Variants in FBXO21 observed in about 807,000 individuals in gnomAD.
The protein encoded by FBXO21 is F-box protein 21.
A neutral mutation model predicts 76.6 loss-of-function variants in FBXO21; 32 were observed. That is an observed-to-expected ratio of 0.42 (90% CI 0.32 to 0.56). FBXO21 has a LOEUF of 0.56. FBXO21 is among the 20% of genes least tolerant of loss of function. The pLI, the probability that FBXO21 is intolerant of heterozygous loss-of-function variation, is 0.16. For synonymous variants in FBXO21, 328 were observed against 311.5 expected (o/e 1.05, Z -0.56); for missense variants, 586 against 797.3 (o/e 0.73, Z 3.19).
intron 11 of FBXO21, among the ~76,000 whole-genome samples, chr12:117,151,624 T>C (rs1424402467): frequency 6.6e-6 from 1 of 152,178 alleles, no homozygotes; most frequent in Non-Finnish European, 1.5e-5. Flanking sequence ...TTTTTAAAAT[T>C]TGGCCTCTCA....
intron 11 of FBXO21, among the ~76,000 whole-genome samples, chr12:117,149,124 G>C (rs1190163692): frequency 6.6e-6 from 1 of 152,096 alleles, no homozygotes; most frequent in Non-Finnish European, 1.5e-5. Flanking sequence ...CCACAACCTG[G>C]TATCTTAACC....
intron 8 of FBXO21, among the ~76,000 whole-genome samples, 170 bp downstream of exon 8, chr12:117,166,728 A>C (rs1956057658): frequency 6.6e-6 from 1 of 152,232 alleles, no homozygotes; most frequent in African/African-American, 2.4e-5. Context: ...TATCTTTCCT[A>C]GTCTAAGATA....
intron 4 of FBXO21, among the ~76,000 whole-genome samples, 163 bp from the exon 5 acceptor site, chr12:117,174,960 C>G (rs927925610): frequency 6.6e-6 from 1 of 151,686 alleles, no homozygotes; most frequent in Non-Finnish European, 1.5e-5. Context: ...TGAGAAGGAG[C>G]AACAAACATT....
rs1337124410 is a variant in FBXO21 at position 117,143,408 on chromosome 12, T to C, written c.*2679A>G. On this transcript the variant is annotated 3_prime_UTR_variant, in exon 12 of 12. Coordinates refer to ENST00000622495, the MANE Select transcript of FBXO21 (RefSeq NM_015002.3). ...AGGTAGTAACATCACACGGAAACAG[T>C]GCTCTGAAGACATTCTGGACACATC... 2 of 152,204 alleles carry C rather than the reference T, an allele frequency of 1.3e-5. No individual in the cohort carries two copies. Among genetic ancestry groups the C allele is most frequent in the Non-Finnish European group, 2.9e-5 (2 of 68,042 alleles). 9.4% of individuals were successfully genotyped at this position (152,204 alleles called of 1,614,324 possible).
In FBXO21 at chr12:117,167,031, T is replaced by C; in HGVS notation, c.1060A>G (p.Lys354Glu). The change falls in exon 8 of 12, where the codon AAA (lysine) becomes GAA (glutamate). Residue 354 changes from lysine (K) to glutamate (E), a missense_variant. This residue lies in a region of FBXO21 where 246 missense variants were observed against 356.8 expected (regional missense o/e 0.69). Coordinates refer to ENST00000622495, the MANE Select transcript of FBXO21 (RefSeq NM_015002.3). ...TCTTTCACTGTCAGCTGCTTGCCTTTCCCAAAAGCATCTATGTAGATGTAG... is the reference window on the plus strand; with the variant it reads ...TCTTTCACTGTCAGCTGCTTGCCTTCCCCAAAAGCATCTATGTAGATGTAG... The part of the protein sequence containing the change: ...FDYIYIDAFG[K>E]GKQLTVKECE... 1 of 1,614,148 alleles carries C rather than the reference T, an allele frequency of 6.2e-7. No homozygotes were observed. Among genetic ancestry groups the C allele is most frequent in the South Asian group, 1.1e-5 (1 of 91,080 alleles).
At chr12:117,177,952 G>C (rs946682758) in intron 3 of FBXO21, among the ~76,000 whole-genome samples, 1 of 152,200 alleles carries the variant, frequency 6.6e-6, no homozygotes, top group African/African-American at 2.4e-5. Flanking sequence ...GAGGCATCTA[G>C]AACCTTTTGC....
chr12:117,188,283 G>A (rs1956305440), intron 2 of FBXO21, among the ~76,000 whole-genome samples: 1 of 152,186 alleles, frequency 6.6e-6, no homozygotes, highest in Admixed American at 6.5e-5. Flanking sequence ...GGTGGCTCAC[G>A]CCTGTAATCC....
At position 117,144,326 on chromosome 12, in the gene FBXO21, G is replaced by C. The variant is rs753751174; in HGVS notation, c.*1761C>G. On this transcript the variant is annotated 3_prime_UTR_variant, in exon 12 of 12. Transcript: ENST00000622495. The stretch of plus-strand genomic sequence containing the variant: ...TCCCAACCTTGGCGGGCCAGGTGCT[G>C]TGAGTGGTTACGTTTCCAGATGCAG... The C allele has an allele frequency of 6.6e-6, 1 of 152,222 alleles. No homozygotes were observed. Among genetic ancestry groups the C allele is most frequent in the Non-Finnish European group, 1.5e-5 (1 of 68,048 alleles). 9.4% of individuals were successfully genotyped at this position (152,222 alleles called of 1,614,324 possible). A position where few individuals can be genotyped will look rare whatever the true frequency, so the allele number is the denominator to read the frequency against.
In FBXO21 at chr12:117,186,392, T is replaced by C. The variant is rs1008201903; in HGVS notation, c.470+85A>G. The stretch of plus-strand genomic sequence containing the variant: ...GGCGTGAAATATTTGGAATCACATA[T>C]TCCAGGGTTTAGCCACACAGAAATT... On this transcript the variant is annotated intron_variant, in intron 3 of 11. Coordinates refer to ENST00000622495, the MANE Select transcript of FBXO21 (RefSeq NM_015002.3). The C allele has an allele frequency of 7.6e-6, 7 of 917,304 alleles. No homozygotes were observed. In the East Asian group the frequency reaches 1.7e-4, roughly 22 times the overall value. The allele number at this position is 917,304 out of a possible 1,614,324, so 56.8% of individuals were successfully genotyped here.
Position 117,165,509 on chromosome 12 carries a change from G to A in FBXO21, c.1302C>T (p.Phe434=), listed in dbSNP as rs1188770966. 6.2e-7 allele frequency: 1 copy of A among 1,613,724 alleles called. No individual in the cohort carries two copies. The highest frequency in any genetic ancestry group is 1.3e-5 in the African/African-American group (1 of 74,912). The part of the protein sequence containing the change: ...QLLLLQARLY[F]HLGIWPEKVL... ...CCTTCTCTGGCCAGATTCCCAGGTG[G>A]AAGTAAAGCCTGGCTTGGAGGAGGA... The change falls in exon 9 of 12, where the codon TTC becomes TTT. Residue 434 remains phenylalanine (F), a synonymous_variant. Transcript: ENST00000622495.
chr12:117,158,601 G>A (rs563111852), intron 9 of FBXO21, among the ~76,000 whole-genome samples: 1 of 152,198 alleles, frequency 6.6e-6, no homozygotes, highest in Non-Finnish European at 1.5e-5. Context: ...GATGGAAAAG[G>A]TCACAGAGTG....
chr12:117,189,464 G>A, intron 1 of FBXO21, 102 bp from the exon 2 acceptor site: 2 of 1,273,984 alleles, frequency 1.6e-6, no homozygotes, highest in South Asian at 2.5e-5. Flanking sequence ...GGCGTCCAGT[G>A]GTAAGAGGGA....
chr12:117,177,651 A>G lies in FBXO21; in HGVS notation c.471-10T>C. The stretch of plus-strand genomic sequence containing the variant: ...CCAGGTCAAAGCTTTTCTGGAAACA[A>G]AAAGTCAGTAAGAATTAAGATTTGA... On this transcript the variant is annotated splice_polypyrimidine_tract_variant and intron_variant, in intron 3 of 11. Transcript: ENST00000622495. 1 of 1,611,488 alleles carries G rather than the reference A, an allele frequency of 6.2e-7. No homozygotes were observed. Among genetic ancestry groups the G allele is most frequent in the Non-Finnish European group, 8.5e-7 (1 of 1,178,900 alleles).
intron 4 of FBXO21, 109 bp downstream of exon 4, chr12:117,177,411 G>T: frequency 8.7e-7 from 1 of 1,143,116 alleles, no homozygotes; most frequent in South Asian, 1.8e-5. Flanking sequence ...AACATGATTT[G>T]CTTTTTCACT....
chr12:117,149,679 G>C (rs2135844556), intron 11 of FBXO21, among the ~76,000 whole-genome samples: 1 of 152,348 alleles, frequency 6.6e-6, no homozygotes, highest in African/African-American at 2.4e-5. Context: ...CATGTGACTA[G>C]TGCTGGGCTG....
chr12:117,153,324 TG>T (rs1208391464), intron 11 of FBXO21, among the ~76,000 whole-genome samples: 1 of 151,960 alleles, frequency 6.6e-6, no homozygotes, highest in Non-Finnish European at 1.5e-5. Context: ...ACTAGTGAGA[TG>T]GGGCAGGCAG....
intron 2 of FBXO21, 159 bp downstream of exon 2, chr12:117,189,067 AG>A: frequency 1.3e-6 from 1 of 766,664 alleles, no homozygotes. Context: ...GTTGGATAGG[AG>A]GAAAAGGACA....
chr12:117,189,171 AC>A lies in FBXO21; in HGVS notation c.375+55del, dbSNP rs1159761750. The A allele has an allele frequency of 3.1e-6, 5 of 1,607,282 alleles. No homozygotes were observed. In the Admixed American group the frequency reaches 6.7e-5, roughly 21 times the overall value. On this transcript the variant is annotated intron_variant, in intron 2 of 11. Coordinates refer to ENST00000622495, the MANE Select transcript of FBXO21 (RefSeq NM_015002.3). ...GAGCTGGATGAGCTCATGCCTGCAG[AC>A]CCAGACACATACACCAGCAAGCCAA...
chr12:117,152,774 T>G (rs1303621470), intron 11 of FBXO21, among the ~76,000 whole-genome samples: 1 of 152,188 alleles, frequency 6.6e-6, no homozygotes. Context: ...TACTCAGACA[T>G]AATTAGGTCA....
Sources: allele counts gnomAD v4.1 joint callset (sites outside exome capture counted in the v4.1 genomes callset), GRCh38; gene constraint gnomAD v4.1.1; regional missense constraint gnomAD v4.1.1; transcripts MANE v1.5; gene names NCBI Gene and HGNC (gene_info 2026-07-23, HGNC 2026-07-21).